Variants in LRP1B observed in about 807,000 individuals in gnomAD.
LRP1B encodes low-density lipoprotein receptor-related protein 1B.
A neutral mutation model predicts 556.6 loss-of-function variants in LRP1B; 217 were observed. The observed-to-expected ratio is 0.39, with a 90% confidence interval of 0.35 to 0.44. LRP1B has a LOEUF of 0.44. Ranked by LOEUF, LRP1B falls within the 20% of genes least tolerant of loss-of-function variation. LRP1B has a pLI of 1.00. For synonymous variants in LRP1B, 2,047 were observed against 1,865.8 expected (o/e 1.10, Z -2.50); for missense variants, 5,053 against 5,620.8 (o/e 0.90, Z 3.23).
chr2:141,765,331 C>T (rs1694700822), intron 2 of LRP1B, among the ~76,000 whole-genome samples: 3 of 152,046 alleles, frequency 2.0e-5, no homozygotes, highest in African/African-American at 7.2e-5. Flanking sequence ...TTTATGTTCT[C>T]AGGTATTAAC....
intron 37 of LRP1B, among the ~76,000 whole-genome samples, chr2:140,712,026 T>C (rs891193131): frequency 1.3e-5 from 2 of 152,138 alleles, no homozygotes; most frequent in African/African-American, 2.4e-5. Context: ...CATATAAACA[T>C]CCTCAGATGC....
chr2:140,684,837 G>A (rs1278668725), intron 41 of LRP1B, among the ~76,000 whole-genome samples: 1 of 152,086 alleles, frequency 6.6e-6, no homozygotes, highest in African/African-American at 2.4e-5. Context: ...AAGATGCGAG[G>A]GGTTGGAGAC....
chr2:141,544,093 C>T (rs956074273), intron 2 of LRP1B, among the ~76,000 whole-genome samples: 5 of 152,120 alleles, frequency 3.3e-5, no homozygotes, highest in Non-Finnish European at 7.4e-5. Context: ...TCTTACCCCA[C>T]ATTTCCATTG....
chr2:141,178,747 A>G (rs1281785714), intron 7 of LRP1B, among the ~76,000 whole-genome samples: 2 of 152,076 alleles, frequency 1.3e-5, no homozygotes, highest in Admixed American at 6.6e-5. Context: ...TTATGTCAAT[A>G]TATCTTCAGT....
chr2:140,568,854 A>T (rs1357137539), intron 43 of LRP1B, among the ~76,000 whole-genome samples: 1 of 152,016 alleles, frequency 6.6e-6, no homozygotes, highest in African/African-American at 2.4e-5. Flanking sequence ...AATGAAAGAT[A>T]AAAAAATTGC....
intron 20 of LRP1B, among the ~76,000 whole-genome samples, chr2:140,927,873 T>C (rs901056964): frequency 1.3e-5 from 2 of 151,320 alleles, no homozygotes; most frequent in African/African-American, 4.9e-5. Flanking sequence ...TGCCCGGCTA[T>C]TCATTTATTT....
chr2:140,601,420 A>G, intron 42 of LRP1B, 30 bp downstream of exon 42: 1 of 1,492,854 alleles, frequency 6.7e-7, no homozygotes, highest in Non-Finnish European at 9.1e-7. Context: ...TATAACTATA[A>G]TGAAGAAATA....
intron 41 of LRP1B, among the ~76,000 whole-genome samples, chr2:140,643,950 T>C (rs1220295345): frequency 6.6e-6 from 1 of 152,202 alleles, no homozygotes; most frequent in Non-Finnish European, 1.5e-5. Context: ...AAAATAATGT[T>C]GAAAATTCTG....
chr2:141,224,672 A>G (rs1683176083), intron 6 of LRP1B, among the ~76,000 whole-genome samples: 2 of 152,306 alleles, frequency 1.3e-5, no homozygotes, highest in East Asian at 1.9e-4. Context: ...TTGCAGGGAC[A>G]TGGATGGAGC....
At chr2:140,898,522 T>G (rs1019948095) in intron 23 of LRP1B, 2 of 266,314 alleles carry the variant, frequency 7.5e-6, no homozygotes, top group Non-Finnish European at 1.5e-5. Flanking sequence ...CTTAGAATTG[T>G]AGACACTAAT....
At chr2:141,402,894 A>G (rs1690498080) in intron 3 of LRP1B, among the ~76,000 whole-genome samples, 2 of 152,092 alleles carry the variant, frequency 1.3e-5, no homozygotes, top group South Asian at 4.1e-4. Context: ...TGACATTTGG[A>G]TGAGAACTCC....
intron 31 of LRP1B, among the ~76,000 whole-genome samples, chr2:140,823,677 T>G (rs905604265): frequency 2.6e-5 from 4 of 151,886 alleles, no homozygotes; most frequent in African/African-American, 9.6e-5. Flanking sequence ...TGAAACAACT[T>G]TGATTCTATA....
At chr2:142,128,732 A>G (rs1707744793) in intron 1 of LRP1B, among the ~76,000 whole-genome samples, 1 of 152,132 alleles carries the variant, frequency 6.6e-6, no homozygotes, top group African/African-American at 2.4e-5. Context: ...ATACAACACG[A>G]CACTATTTCA....
Position 141,058,935 on chromosome 2 carries a change from T to G in LRP1B, c.1356A>C (p.Lys452Asn), listed in dbSNP as rs932682494. The change falls in exon 9 of 91, where the codon AAA becomes AAC. Residue 452 changes from lysine to asparagine, a missense_variant. Coordinates refer to ENST00000389484, the MANE Select transcript of LRP1B (RefSeq NM_018557.3). Reference sequence around the variant, plus strand: ...TTCGGATTCCCCAAGCATTCTCAATTTTAATTAATGAGTGAATATCAGTCC... The same window carrying G: ...TTCGGATTCCCCAAGCATTCTCAATGTTAATTAATGAGTGAATATCAGTCC... ...FNGTDIHSLI[K>N]IENAWGIRIY... is the part of the protein sequence containing the mutation. 2.5e-6 allele frequency: 4 copies of G among 1,600,230 alleles called. No homozygotes were observed. Among genetic ancestry groups the G allele is most frequent in the Middle Eastern group, 3.3e-4 (2 of 5,996 alleles).
intron 66 of LRP1B, among the ~76,000 whole-genome samples, chr2:140,438,156 G>T (rs1483320293): frequency 6.6e-6 from 1 of 152,018 alleles, no homozygotes; most frequent in Non-Finnish European, 1.5e-5. Flanking sequence ...AGCTGACACT[G>T]CAGGTGCTAA....
chr2:141,554,457 A>G (rs1047804243), intron 2 of LRP1B, among the ~76,000 whole-genome samples: 1 of 151,306 alleles, frequency 6.6e-6, no homozygotes, highest in Admixed American at 6.6e-5. Context: ...TGTAAAAAGT[A>G]AGAAACTGTT....
intron 18 of LRP1B, among the ~76,000 whole-genome samples, chr2:140,961,697 ATTG>A (rs1173423524): frequency 5.9e-5 from 9 of 152,062 alleles, no homozygotes; most frequent in Non-Finnish European, 1.2e-4. Flanking sequence ...TGTTTACATT[ATTG>A]TTATCACAAT....
chr2:140,260,950 T>G (rs1681908392), intron 86 of LRP1B, among the ~76,000 whole-genome samples: 3 of 151,864 alleles, frequency 2.0e-5, no homozygotes, highest in Admixed American at 2.0e-4. Flanking sequence ...TTCACTGATA[T>G]GGCCTCTAGT....
chr2:141,656,241 C>A (rs1232822591), intron 2 of LRP1B, among the ~76,000 whole-genome samples: 2 of 152,086 alleles, frequency 1.3e-5, no homozygotes, highest in Admixed American at 1.3e-4. Flanking sequence ...GGTTGTCATA[C>A]AATAATGCCA....
Sources: gnomAD v4.1 joint callset for allele counts (sites outside exome capture counted in the v4.1 genomes callset) on GRCh38, gnomAD v4.1.1 for gene constraint, MANE v1.5 for transcripts, NCBI Gene and HGNC (gene_info 2026-07-23, HGNC 2026-07-21) for gene names.